Variants in BNC2 observed in about 807,000 individuals in gnomAD.
BNC2 encodes basonuclin zinc finger protein 2, also known as zinc finger protein basonuclin-2.
BNC2 carries 20 observed loss-of-function variants against 76.3 expected under a neutral mutation model. The ratio of observed to expected loss-of-function variants is 0.26; its 90% CI spans 0.18 to 0.38. BNC2 has a LOEUF of 0.38. BNC2 is among the 10% of genes least tolerant of loss of function. The pLI, the probability that BNC2 is intolerant of heterozygous loss-of-function variation, is 1.00. For missense variants in BNC2, 1,382 were observed against 1,399.8 expected (o/e 0.99, Z 0.20); for synonymous variants, 582 against 514.8 (o/e 1.13, Z -1.77).
chr9:16,668,087 G>A (rs944523786), intron 3 of BNC2, among the ~76,000 whole-genome samples: 18 of 152,168 alleles, frequency 1.2e-4, no homozygotes, highest in African/African-American at 4.3e-4. Flanking sequence ...CCTGTCCTTC[G>A]GGAAGATCAC....
At chr9:16,514,034 G>A (rs760254228) in intron 5 of BNC2, among the ~76,000 whole-genome samples, 7 of 152,246 alleles carry the variant, frequency 4.6e-5, no homozygotes, top group Non-Finnish European at 1.0e-4. Context: ...TCACCTATAC[G>A]TGTGGCTATC....
chr9:16,485,787 C>A (rs1364103786), intron 5 of BNC2, among the ~76,000 whole-genome samples: 1 of 152,062 alleles, frequency 6.6e-6, no homozygotes, highest in African/African-American at 2.4e-5. Context: ...CTAGCCTGGG[C>A]AACAGAGTGA....
Position 16,503,441 on chromosome 9 carries a change from G to T in BNC2, c.669+49089C>A, listed in dbSNP as rs989105677. 5.3e-5 allele frequency among the ~76,000 whole-genome samples: 8 copies of T among 151,944 alleles called. No homozygotes were observed. In the South Asian group the frequency reaches 1.7e-3, roughly 32 times the overall value. On this transcript the variant is annotated intron_variant, in intron 5 of 6. Transcript: ENST00000380672. Reference sequence around the variant, plus strand: ...TTTTTACTCATTTTTGTTTCCCTAAGAATTTTTTTTTCTAAATCAAAAATA... The same window carrying T: ...TTTTTACTCATTTTTGTTTCCCTAATAATTTTTTTTTCTAAATCAAAAATA...
chr9:16,498,782 G>A (rs373883366), intron 5 of BNC2, among the ~76,000 whole-genome samples: 7 of 151,534 alleles, frequency 4.6e-5, no homozygotes, highest in South Asian at 2.1e-4. Context: ...GACCTTTACC[G>A]ACAATGAAGA....
chr9:16,729,050 G>A (rs986510307), intron 2 of BNC2, among the ~76,000 whole-genome samples: 4 of 152,138 alleles, frequency 2.6e-5, no homozygotes, highest in Non-Finnish European at 5.9e-5. Flanking sequence ...CAAGATCTCT[G>A]TGGAAAATTC....
rs1338820840 is a variant in BNC2, at chr9:16,436,802, G to A, written c.1392C>T (p.His464=). The A allele has an allele frequency of 1.9e-6, 3 of 1,614,020 alleles. No individual in the cohort carries two copies. The highest frequency in any genetic ancestry group is 1.7e-5 in the Admixed American group (1 of 59,996). The change falls in exon 6 of 7, where the codon CAC becomes CAT. Residue 464 remains histidine (H), a synonymous_variant. Transcript: ENST00000380672. The part of the protein sequence containing the change: ...GTLKIHYNAV[H]LKIKHRCTIE... ...TGGTGCATCGATGTTTGATCTTCAG[G>A]TGAACAGCATTGTAATGAATTTTGA...
At chr9:16,464,734 T>C (rs1056060001) in intron 5 of BNC2, among the ~76,000 whole-genome samples, 2 of 152,190 alleles carry the variant, frequency 1.3e-5, no homozygotes, top group African/African-American at 4.8e-5. Context: ...TTTTTGTATT[T>C]TAGCAGAGAT....
At chr9:16,587,241 T>C (rs1819798045) in intron 3 of BNC2, among the ~76,000 whole-genome samples, 1 of 146,448 alleles carries the variant, frequency 6.8e-6, no homozygotes, top group Non-Finnish European at 1.5e-5. Context: ...AGAGACAGAG[T>C]CTAGCTCTGT....
chr9:16,697,777 T>C (rs1262096587), intron 3 of BNC2, among the ~76,000 whole-genome samples: 2 of 152,080 alleles, frequency 1.3e-5, no homozygotes, highest in Admixed American at 6.6e-5. Context: ...TATAACCTCT[T>C]AGTTTAAAAT....
chr9:16,703,789 T>C (rs554193994), intron 3 of BNC2, among the ~76,000 whole-genome samples: 1 of 152,226 alleles, frequency 6.6e-6, no homozygotes, highest in Non-Finnish European at 1.5e-5. Flanking sequence ...TATTCTTGAG[T>C]TGAATTTTTG....
At chr9:16,650,944 T>C (rs1329606459) in intron 3 of BNC2, among the ~76,000 whole-genome samples, 1 of 152,216 alleles carries the variant, frequency 6.6e-6, no homozygotes, top group Non-Finnish European at 1.5e-5. Flanking sequence ...ATTAATTTTA[T>C]CTTGCTTTTC....
At chr9:16,527,827 G>A (rs554050509) in intron 5 of BNC2, among the ~76,000 whole-genome samples, 6 of 152,296 alleles carry the variant, frequency 3.9e-5, no homozygotes, top group Admixed American at 6.5e-5. Context: ...CAAATGCAAC[G>A]CATCGCTACA....
chr9:16,713,152 C>T (rs1439150523), intron 3 of BNC2, among the ~76,000 whole-genome samples: 1 of 152,082 alleles, frequency 6.6e-6, no homozygotes, highest in Non-Finnish European at 1.5e-5. Flanking sequence ...TCCTTTTCTC[C>T]CCAGCTACAC....
chr9:16,827,360 G>A (rs557956199), intron 1 of BNC2, among the ~76,000 whole-genome samples: 2 of 152,282 alleles, frequency 1.3e-5, no homozygotes, highest in South Asian at 2.1e-4. Context: ...CCTGAGAGCA[G>A]GTACTCCAGA....
intron 4 of BNC2, among the ~76,000 whole-genome samples, chr9:16,560,719 C>A (rs1186909535): frequency 6.6e-6 from 1 of 152,166 alleles, no homozygotes; most frequent in Non-Finnish European, 1.5e-5. Context: ...AGAATGAGAC[C>A]GCATCTCTAA....
chr9:16,846,783 A>G (rs1367310297), intron 1 of BNC2, among the ~76,000 whole-genome samples: 1 of 152,258 alleles, frequency 6.6e-6, no homozygotes, highest in Non-Finnish European at 1.5e-5. Flanking sequence ...CCAAAGCACC[A>G]GCAGGTTTTC....
intron 3 of BNC2, among the ~76,000 whole-genome samples, chr9:16,666,814 C>T (rs1206964545): frequency 2.0e-5 from 3 of 152,136 alleles, no homozygotes; most frequent in African/African-American, 4.8e-5. Context: ...ACAAATTTTT[C>T]ATGTTTTGAG....
intron 1 of BNC2, among the ~76,000 whole-genome samples, chr9:16,858,968 G>A (rs1819330468): frequency 6.6e-6 from 1 of 152,096 alleles, no homozygotes; most frequent in Non-Finnish European, 1.5e-5. Flanking sequence ...TTTCTGATAA[G>A]GGGTATAGAC....
chr9:16,470,386 G>T (rs868854538), intron 5 of BNC2, among the ~76,000 whole-genome samples: 3 of 152,186 alleles, frequency 2.0e-5, no homozygotes, highest in Admixed American at 6.5e-5. Context: ...CCATTTTCTG[G>T]GGAGAACTTC....
Sources: gnomAD v4.1 joint callset for allele counts (sites outside exome capture counted in the v4.1 genomes callset) on GRCh38, gnomAD v4.1.1 for gene constraint, MANE v1.5 for transcripts, NCBI Gene and HGNC (gene_info 2026-07-23, HGNC 2026-07-21) for gene names.